The following ANKHD1 variants were observed in gnomAD, a reference collection of about 807,000 sequenced individuals.
ANKHD1 encodes the protein ankyrin repeat and KH domain containing 1, also known as ankyrin repeat and KH domain-containing protein 1.
A neutral mutation model predicts 230.5 loss-of-function variants in ANKHD1; 31 were observed. That is an observed-to-expected ratio of 0.13 (90% confidence interval 0.10 to 0.18). The LOEUF (loss-of-function observed/expected upper bound fraction) is 0.18, where lower values mean the gene tolerates loss of function less well. Among genes scored for constraint, ANKHD1 ranks in the 10% least tolerant of loss-of-function variants. The pLI is 1.00. For synonymous variants in ANKHD1, 1,074 were observed against 1,117.6 expected, an observed-to-expected ratio of 0.96 and a Z score of 0.78; for missense variants, 2,256 against 3,071.3, an observed-to-expected ratio of 0.73 and a Z score of 6.27.
At chr5:140,447,003 G>A (rs1190963630) in intron 6 of ANKHD1, among the ~76,000 whole-genome samples, 3 of 151,878 alleles carry the variant, frequency 2.0e-5, no homozygotes, top group Admixed American at 6.6e-5. Context: ...TCCGCCTCCC[G>A]GGTTCAAGTG....
intron 15 of ANKHD1, among the ~76,000 whole-genome samples, chr5:140,504,355 T>G (rs1028109712): frequency 6.6e-6 from 1 of 152,206 alleles, no homozygotes; most frequent in Non-Finnish European, 1.5e-5. Flanking sequence ...CCCAGCCCCC[T>G]TTTTTTGAAT....
intron 10 of ANKHD1, among the ~76,000 whole-genome samples, chr5:140,476,730 A>C (rs1204444012): frequency 2.0e-5 from 3 of 152,200 alleles, no homozygotes; most frequent in African/African-American, 7.2e-5. Flanking sequence ...TGAGTCCTGG[A>C]GGAAGGCGTG....
At chr5:140,501,582 T>C (rs1403949313) in intron 15 of ANKHD1, among the ~76,000 whole-genome samples, 1 of 151,672 alleles carries the variant, frequency 6.6e-6, no homozygotes, top group Non-Finnish European at 1.5e-5. Flanking sequence ...ACCTCATCTC[T>C]ACTAAAAATA....
chr5:140,528,131 T>A, intron 28 of ANKHD1, 53 bp from the exon 29 acceptor site: 1 of 1,504,604 alleles, frequency 6.6e-7, no homozygotes, highest in East Asian at 2.3e-5. Flanking sequence ...AGATTACCTT[T>A]TTTTTTTTTT....
intron 5 of ANKHD1, among the ~76,000 whole-genome samples, chr5:140,444,619 A>G (rs1014956805): frequency 1.6e-4 from 25 of 152,184 alleles, no homozygotes; most frequent in African/African-American, 5.6e-4. Flanking sequence ...TTTGAGGCCC[A>G]GTCCAAATGT....
intron 22 of ANKHD1, among the ~76,000 whole-genome samples, chr5:140,511,284 T>G (rs1340858158): frequency 1.3e-5 from 2 of 152,188 alleles, no homozygotes; most frequent in African/African-American, 4.8e-5. Context: ...CCCATACAAA[T>G]CATTTATGCT....
chr5:140,462,283 G>T (rs1372496229), intron 9 of ANKHD1, among the ~76,000 whole-genome samples: 2 of 151,952 alleles, frequency 1.3e-5, no homozygotes, highest in African/African-American at 2.4e-5. Context: ...CCATTGATGA[G>T]CATTGCTTAG....
intron 15 of ANKHD1, among the ~76,000 whole-genome samples, chr5:140,502,517 T>G (rs1260771870): frequency 6.6e-6 from 1 of 152,174 alleles, no homozygotes; most frequent in Non-Finnish European, 1.5e-5. Flanking sequence ...TATATACCTG[T>G]TTTTCATAAT....
chr5:140,539,463 C>A lies in ANKHD1; in HGVS notation c.*45C>A. The A allele has an allele frequency of 6.4e-7, 1 of 1,565,574 alleles. No individual in the cohort carries two copies. Among genetic ancestry groups the A allele is most frequent in the South Asian group, 1.2e-5 (1 of 82,844 alleles). On this transcript the variant is annotated 3_prime_UTR_variant, in exon 34 of 34. Transcript: ENST00000360839. ...TTAGCCTTGTTTAAGAAACCTATGA[C>A]CTTGGAAGAACCATGGGGATTTTTT...
intron 1 of ANKHD1, among the ~76,000 whole-genome samples, chr5:140,407,276 C>T (rs1274979886): frequency 8.3e-6 from 1 of 120,820 alleles, no homozygotes; most frequent in African/African-American, 3.2e-5. Flanking sequence ...GCCTGGGTGA[C>T]AGAGTGAGAC....
chr5:140,428,399 C>G (rs571107317), intron 1 of ANKHD1, among the ~76,000 whole-genome samples: 15 of 152,256 alleles, frequency 9.9e-5, no homozygotes, highest in African/African-American at 3.6e-4. Flanking sequence ...CTCGGGAGGC[C>G]GAGGCTGGCG....
chr5:140,537,021 CAAA>C (rs753247443), intron 30 of ANKHD1: 33 of 73,372 alleles, frequency 4.5e-4, no homozygotes, highest in Non-Finnish European at 7.0e-4. Context: ...AATTCCGTCT[CAAA>C]AAAAAAAAAA....
chr5:140,519,950 C>G (rs1249165659), intron 24 of ANKHD1, among the ~76,000 whole-genome samples: 2 of 151,896 alleles, frequency 1.3e-5, no homozygotes, highest in African/African-American at 4.8e-5. Flanking sequence ...AACTAAAGAG[C>G]TTCTGCACAG....
At chr5:140,458,437 A>C (rs1305872101) in intron 7 of ANKHD1, among the ~76,000 whole-genome samples, 188 bp from the exon 8 acceptor site, 1 of 152,184 alleles carries the variant, frequency 6.6e-6, no homozygotes, top group Non-Finnish European at 1.5e-5. Flanking sequence ...AAATTACTTA[A>C]AAGCAATATT....
intron 15 of ANKHD1, among the ~76,000 whole-genome samples, chr5:140,504,224 T>C (rs939154791): frequency 2.0e-5 from 3 of 151,636 alleles, no homozygotes; most frequent in Non-Finnish European, 2.9e-5. Flanking sequence ...TAACTTTCTG[T>C]TTTTTTTAGT....
intron 6 of ANKHD1, among the ~76,000 whole-genome samples, chr5:140,446,698 A>C (rs1774307795): frequency 6.6e-6 from 1 of 152,086 alleles, no homozygotes; most frequent in African/African-American, 2.4e-5. Context: ...AATGACATGT[A>C]ATGCTACCAT....
intron 7 of ANKHD1, among the ~76,000 whole-genome samples, chr5:140,450,650 T>C (rs1158823310): frequency 7.2e-5 from 11 of 152,114 alleles, no homozygotes; most frequent in Admixed American, 7.2e-4. Context: ...AGCAGTCCTC[T>C]CGCCTCAGCT....
chr5:140,536,346 A>G (rs1429828804), intron 30 of ANKHD1, among the ~76,000 whole-genome samples: 1 of 152,232 alleles, frequency 6.6e-6, no homozygotes, highest in Admixed American at 6.5e-5. Context: ...CACCTGCCTC[A>G]GCCTCCCAAA....
chr5:140,478,090 A>G (rs1347697867), intron 10 of ANKHD1, among the ~76,000 whole-genome samples: 1 of 152,144 alleles, frequency 6.6e-6, no homozygotes, highest in Non-Finnish European at 1.5e-5. Flanking sequence ...AAAATTTAAA[A>G]CAATAGCACA....
Sources: allele counts gnomAD v4.1 joint callset (sites outside exome capture counted in the v4.1 genomes callset), GRCh38; gene constraint gnomAD v4.1.1; transcripts MANE v1.5; gene names NCBI Gene and HGNC (gene_info 2026-07-23, HGNC 2026-07-21).